Variants in TACR3 observed in about 807,000 individuals in gnomAD.
TACR3 encodes tachykinin receptor 3.
A neutral mutation model predicts 35.0 loss-of-function variants in TACR3; 34 were observed. That is an observed-to-expected ratio of 0.97 (90% CI 0.74 to 1.30). The LOEUF (loss-of-function observed/expected upper bound fraction) is 1.30. Among genes scored for constraint, TACR3 ranks in the 50% most tolerant of loss-of-function variants. The pLI, the probability that TACR3 is intolerant of heterozygous loss-of-function variation, is 0.00. For synonymous variants in TACR3, 233 were observed against 221.1 expected (o/e 1.05, Z -0.48); for missense variants, 558 against 591.7 (o/e 0.94, Z 0.59).
At chr4:103,595,728 T>C (rs573474502) in intron 3 of TACR3, among the ~76,000 whole-genome samples, 3 of 152,160 alleles carry the variant, frequency 2.0e-5, no homozygotes, top group African/African-American at 4.8e-5. Flanking sequence ...TTTTTAATTT[T>C]GGCAATATTA....
intron 3 of TACR3, among the ~76,000 whole-genome samples, chr4:103,606,800 G>C (rs1407628957): frequency 5.3e-5 from 8 of 152,082 alleles, no homozygotes; most frequent in Non-Finnish European, 7.4e-5. Context: ...TTTCCTAATT[G>C]AATACCCTTT....
chr4:103,655,713 A>T (rs1406854209), intron 3 of TACR3, among the ~76,000 whole-genome samples: 1 of 152,060 alleles, frequency 6.6e-6, no homozygotes, highest in Non-Finnish European at 1.5e-5. Flanking sequence ...ACACACAGAG[A>T]AAGTGAGAGA....
rs1453015773 is a variant in TACR3, at chr4:103,701,076, G to C, written c.548+18052C>G. On this transcript the variant is annotated intron_variant, in intron 1 of 4. Coordinates refer to ENST00000304883, the MANE Select transcript of TACR3 (RefSeq NM_001059.3). ...CAATTAGGCAGGAGAAGGAAATAAA[G>C]GGTATTCAATTAGGAAAAGAGGAAG... Among the ~76,000 whole-genome samples, 3 of 152,006 alleles carry C rather than the reference G, an allele frequency of 2.0e-5. No individual in the cohort carries two copies. The South Asian group carries it at 6.2e-4, about 32-fold the overall frequency.
At chr4:103,631,433 ATTATT>A (rs1725064609) in intron 3 of TACR3, among the ~76,000 whole-genome samples, 1 of 152,128 alleles carries the variant, frequency 6.6e-6, no homozygotes, top group Non-Finnish European at 1.5e-5. Flanking sequence ...CTTCCTATGT[ATTATT>A]TTACTTATGG....
At chr4:103,704,736 C>A (rs1002428812) in intron 1 of TACR3, among the ~76,000 whole-genome samples, 3 of 152,208 alleles carry the variant, frequency 2.0e-5, no homozygotes, top group Admixed American at 6.6e-5. Context: ...GGAAACAGAG[C>A]CAAACCATAC....
chr4:103,605,608 T>C (rs1218856627), intron 3 of TACR3, among the ~76,000 whole-genome samples: 1 of 152,124 alleles, frequency 6.6e-6, no homozygotes, highest in Non-Finnish European at 1.5e-5. Context: ...ATGTGTTTTT[T>C]GGCTGCATAA....
chr4:103,719,408 G>A lies in TACR3; in HGVS notation c.268C>T (p.Leu90=). The change falls in exon 1 of 5, where the codon CTG becomes TTG. Residue 90 remains leucine, a synonymous_variant. Transcript: ENST00000304883. The part of the protein sequence containing the change: ...QPSWRIALWS[L]AYGVVVAVAV... ...ACTGCCACCACCACACCATACGCCA[G>A]GGACCAGAGCGCGATGCGCCAGGAC... The A allele has an allele frequency of 6.2e-7, 1 of 1,614,270 alleles. No homozygotes were observed. The highest frequency in any genetic ancestry group is 1.1e-5 in the South Asian group (1 of 91,088).
intron 1 of TACR3, among the ~76,000 whole-genome samples, chr4:103,711,277 C>T (rs1240675925): frequency 6.6e-6 from 1 of 152,162 alleles, no homozygotes; most frequent in Non-Finnish European, 1.5e-5. Context: ...AGCAGCACAT[C>T]AAAAAGCTTA....
At chr4:103,614,882 G>GTTTTTTTTTT (rs1325226834) in intron 3 of TACR3, among the ~76,000 whole-genome samples, 3 of 90,874 alleles carry the variant, frequency 3.3e-5, no homozygotes, top group East Asian at 4.1e-4. Flanking sequence ...GATTATGAAT[G>GTTTTTTTTTT]TGTTTTTTTT....
At chr4:103,648,822 T>G (rs1012479438) in intron 3 of TACR3, among the ~76,000 whole-genome samples, 6 of 152,038 alleles carry the variant, frequency 3.9e-5, no homozygotes, top group Non-Finnish European at 7.4e-5. Context: ...ATTGCTGGAT[T>G]ATATGGTAGT....
At chr4:103,600,480 GTTA>G (rs1434042143) in intron 3 of TACR3, among the ~76,000 whole-genome samples, 1 of 152,054 alleles carries the variant, frequency 6.6e-6, no homozygotes, top group Non-Finnish European at 1.5e-5. Context: ...TCTGATCTTA[GTTA>G]TTTCTTGCCT....
intron 3 of TACR3, among the ~76,000 whole-genome samples, chr4:103,610,875 G>T (rs904382577): frequency 8.6e-5 from 13 of 151,840 alleles, no homozygotes; most frequent in African/African-American, 3.1e-4. Flanking sequence ...CCCCATTTAG[G>T]GGCTTGTCCT....
intron 3 of TACR3, among the ~76,000 whole-genome samples, chr4:103,633,615 T>A (rs891768898): frequency 6.6e-6 from 1 of 152,106 alleles, no homozygotes; most frequent in African/African-American, 2.4e-5. Flanking sequence ...TTTATGACTT[T>A]GTGTCCTCAT....
chr4:103,667,038 A>C (rs991371785), intron 1 of TACR3, among the ~76,000 whole-genome samples: 2 of 152,136 alleles, frequency 1.3e-5, no homozygotes, highest in East Asian at 3.9e-4. Context: ...TGGGTGGATC[A>C]CCTGAGGTCA....
At chr4:103,705,815 T>C (rs1722775196) in intron 1 of TACR3, among the ~76,000 whole-genome samples, 1 of 152,198 alleles carries the variant, frequency 6.6e-6, no homozygotes, top group Non-Finnish European at 1.5e-5. Flanking sequence ...AAAGAGGATC[T>C]GAGTGGTTGA....
intron 1 of TACR3, among the ~76,000 whole-genome samples, chr4:103,682,746 T>C (rs188631560): frequency 2.0e-5 from 3 of 152,194 alleles, no homozygotes; most frequent in Admixed American, 6.6e-5. Context: ...TAGGATCTCA[T>C]AAGGTGCTGT....
intron 3 of TACR3, among the ~76,000 whole-genome samples, chr4:103,639,185 T>G (rs931674662): frequency 6.6e-6 from 1 of 151,986 alleles, no homozygotes; most frequent in Non-Finnish European, 1.5e-5. Flanking sequence ...GACTTGGAAC[T>G]AACCCAAATG....
intron 1 of TACR3, among the ~76,000 whole-genome samples, chr4:103,677,363 T>C (rs1225960295): frequency 6.6e-6 from 1 of 152,112 alleles, no homozygotes; most frequent in East Asian, 1.9e-4. Flanking sequence ...TACTGATATA[T>C]ACCCAAAGGA....
chr4:103,641,953 G>T (rs1483610205), intron 3 of TACR3, among the ~76,000 whole-genome samples: 4 of 151,816 alleles, frequency 2.6e-5, no homozygotes, highest in Non-Finnish European at 4.4e-5. Context: ...AGAGTAGAAT[G>T]GTGGTTACCA....
Sources: gnomAD v4.1 joint callset for allele counts (sites outside exome capture counted in the v4.1 genomes callset) on GRCh38, gnomAD v4.1.1 for gene constraint, MANE v1.5 for transcripts, NCBI Gene and HGNC (gene_info 2026-07-23, HGNC 2026-07-21) for gene names.